IRF2: variants seen among roughly 807,000 people sequenced by gnomAD.
IRF2 encodes interferon regulatory factor 2.
IRF2 carries 15 observed loss-of-function variants against 40.6 expected under a neutral mutation model. The ratio of observed to expected loss-of-function variants is 0.37; its 90% CI spans 0.25 to 0.57. The LOEUF (loss-of-function observed/expected upper bound fraction) is 0.57, where lower values mean the gene tolerates loss of function less well. Among genes scored for constraint, IRF2 ranks in the 20% least tolerant of loss-of-function variants. The pLI is 0.77. For synonymous variants in IRF2, 151 were observed against 165.5 expected, an observed-to-expected ratio of 0.91 and a Z score of 0.67; for missense variants, 317 against 455.7, an observed-to-expected ratio of 0.70 and a Z score of 2.77.
intron 5 of IRF2, among the ~76,000 whole-genome samples, chr4:184,410,651 C>A (rs1440235471): frequency 4.0e-5 from 6 of 151,806 alleles, no homozygotes; most frequent in Non-Finnish European, 7.4e-5. Flanking sequence ...TACAAGAGAA[C>A]TGCTCATTTG....
intron 1 of IRF2, among the ~76,000 whole-genome samples, chr4:184,451,023 C>A (rs1579102513): frequency 6.6e-6 from 1 of 152,332 alleles, no homozygotes; most frequent in South Asian, 2.1e-4. Context: ...AATTGTCTGG[C>A]AAGTTTACCT....
chr4:184,459,138 C>CACTACCAT (rs1739044121), intron 1 of IRF2, among the ~76,000 whole-genome samples: 1 of 151,990 alleles, frequency 6.6e-6, no homozygotes, highest in African/African-American at 2.4e-5. Flanking sequence ...GCAGACAGAG[C>CACTACCAT]AGCCGCAATG....
At chr4:184,404,271 G>T (rs1736771784) in intron 6 of IRF2, among the ~76,000 whole-genome samples, 1 of 152,188 alleles carries the variant, frequency 6.6e-6, no homozygotes, top group Non-Finnish European at 1.5e-5. Flanking sequence ...AGAGCATCAT[G>T]CAGGGAAATT....
chr4:184,408,150 C>CATCAAA lies in IRF2; in HGVS notation c.529+7_529+8insTTTGAT, dbSNP rs745897849. 3 of 1,540,072 alleles carry CATCAAA rather than the reference C, an allele frequency of 1.9e-6. No individual in the cohort carries two copies. In the East Asian group the frequency reaches 6.7e-5, roughly 35 times the overall value. The stretch of plus-strand genomic sequence containing the variant: ...ATGTATAAAAAATGAGACGTCAAAA[C>CATCAAA]AGTTTACCTATGATGTTCACCGTAC... On this transcript the variant is annotated splice_region_variant and intron_variant, in intron 6 of 8. Coordinates refer to ENST00000393593, the MANE Select transcript of IRF2 (RefSeq NM_002199.4). The surrounding 1 kb of genome is among the most constrained non-coding windows in gnomAD (Gnocchi z 4.9).
chr4:184,456,421 C>A (rs1219970490), intron 1 of IRF2, among the ~76,000 whole-genome samples: 3 of 152,180 alleles, frequency 2.0e-5, no homozygotes, highest in African/African-American at 7.2e-5. Flanking sequence ...GTGGCGCCCG[C>A]GTGTCCGAGC....
At position 184,438,282 on chromosome 4, in the gene IRF2, C is replaced by G. The variant is rs141778223; in HGVS notation, c.-6-9212G>C. Among the ~76,000 whole-genome samples the G allele has an allele frequency of 6.6e-5, 10 of 152,308 alleles. 1 individual carries two copies. In the East Asian group the frequency reaches 1.5e-3, roughly 23 times the overall value. The stretch of plus-strand genomic sequence containing the variant: ...CATCCGTCTGACTCCAAAGAATATG[C>G]CAGAAACCTCTAGACCTGTGTTTTG... On this transcript the variant is annotated intron_variant, in intron 1 of 8. Coordinates refer to ENST00000393593, the MANE Select transcript of IRF2 (RefSeq NM_002199.4).
At chr4:184,410,025 G>T (rs980850407) in intron 5 of IRF2, among the ~76,000 whole-genome samples, 1 of 151,994 alleles carries the variant, frequency 6.6e-6, no homozygotes, top group Non-Finnish European at 1.5e-5. Flanking sequence ...CTTCCGACCC[G>T]CTGTCTGCCT....
At chr4:184,411,059 CTTT>C (rs34897483) in intron 5 of IRF2, among the ~76,000 whole-genome samples, 52 of 141,406 alleles carry the variant, frequency 3.7e-4, no homozygotes, top group African/African-American at 1.2e-3. Context: ...TCTCTCCACA[CTTT>C]TTTTTTTTTT....
chr4:184,428,899 G>T, intron 2 of IRF2, 79 bp downstream of exon 2: 1 of 1,116,458 alleles, frequency 9.0e-7, no homozygotes, highest in Non-Finnish European at 1.4e-6. Flanking sequence ...GAATACACAC[G>T]ATTTTACTTT....
chr4:184,433,911 A>T (rs1458917831), intron 1 of IRF2, among the ~76,000 whole-genome samples: 1 of 152,250 alleles, frequency 6.6e-6, no homozygotes. Flanking sequence ...AAAAACAGCA[A>T]AGGCAGAATC....
chr4:184,414,884 A>G (rs1463831932), intron 5 of IRF2, among the ~76,000 whole-genome samples: 1 of 152,242 alleles, frequency 6.6e-6, no homozygotes, highest in African/African-American at 2.4e-5. Flanking sequence ...AGTAGAAGAA[A>G]CCTACGTAGT....
chr4:184,453,418 T>C lies in IRF2; in HGVS notation c.-7+20961A>G, dbSNP rs555356087. On this transcript the variant is annotated intron_variant, in intron 1 of 8. Coordinates refer to ENST00000393593, the MANE Select transcript of IRF2 (RefSeq NM_002199.4). ...AAAGCATATGGACTCGAGCACATAC[T>C]GCATTTTCAAAGCTTCTTTCCATAT... 5.3e-5 allele frequency among the ~76,000 whole-genome samples: 8 copies of C among 152,372 alleles called. No individual in the cohort carries two copies. The South Asian group carries it at 6.2e-4, about 12-fold the overall frequency.
At chr4:184,460,429 C>T (rs793801) in intron 1 of IRF2, among the ~76,000 whole-genome samples, 65,981 of 152,010 alleles carry the variant, frequency 0.43, 14,644 homozygotes, top group African/African-American at 0.52. Flanking sequence ...ATGTAATTAA[C>T]GTCACCAAAT....
chr4:184,417,364 C>G (rs11728827), intron 5 of IRF2, among the ~76,000 whole-genome samples: 28,726 of 152,136 alleles, frequency 0.19, 3,183 homozygotes, highest in Non-Finnish European at 0.25. Context: ...TGCAAAAACA[C>G]CCTCCGCCTA....
rs1863315 is a variant in IRF2, at chr4:184,474,231, T to C, written c.-7+148A>G. ...CGACTGTTCCTCCAAAAATCAGTAT[T>C]AATATTTATGAACCCCGGCATTTTC... is the stretch of plus-strand genomic sequence containing the variant. On this transcript the variant is annotated intron_variant, in intron 1 of 8. Coordinates refer to ENST00000393593, the MANE Select transcript of IRF2 (RefSeq NM_002199.4). The surrounding 1 kb of genome is among the most constrained non-coding windows in gnomAD (Gnocchi z 5.6). 0.13 allele frequency: 19,887 copies of C among 152,204 alleles called. 1,428 individuals carry two copies. Among genetic ancestry groups the C allele is most frequent in the East Asian group, 0.21 (1,067 of 5,142 alleles). The allele number at this position is 152,204 out of a possible 1,614,324, so 9.4% of individuals were successfully genotyped here. A position where few individuals can be genotyped will look rare whatever the true frequency, so the allele number is the denominator to read the frequency against.
chr4:184,407,481 G>A (rs1032076068), intron 6 of IRF2, among the ~76,000 whole-genome samples: 2 of 152,190 alleles, frequency 1.3e-5, no homozygotes, highest in African/African-American at 4.8e-5. Context: ...TTGTTCAACT[G>A]TTACGAAGGA....
chr4:184,398,789 A>T (rs1736562295), intron 7 of IRF2, 126 bp downstream of exon 7: 2 of 744,028 alleles, frequency 2.7e-6, no homozygotes, highest in South Asian at 3.1e-5. Flanking sequence ...AGTATGAAAA[A>T]CTCCAGGGAG....
Position 184,474,442 on chromosome 4 carries a change from T to C in IRF2, c.-70A>G, listed in dbSNP as rs1403224685. ...GCAAGGTATAAGTGTTGCTAGGGTA[T>C]GTGAAATGGAAATGAAAGCCCGTCA... On this transcript the variant is annotated 5_prime_UTR_variant, in exon 1 of 9. Coordinates refer to ENST00000393593, the MANE Select transcript of IRF2 (RefSeq NM_002199.4). This position sits in a 1 kb window ranked among gnomAD's most constrained non-coding sequence, Gnocchi z 5.6. 1 of 152,172 alleles carries C rather than the reference T, an allele frequency of 6.6e-6. No individual in the cohort carries two copies. The highest frequency in any genetic ancestry group is 1.5e-5 in the Non-Finnish European group (1 of 68,062). The allele number at this position is 152,172 out of a possible 1,614,324, so 9.4% of individuals were successfully genotyped here.
intron 5 of IRF2, among the ~76,000 whole-genome samples, chr4:184,411,289 C>A (rs1266440979): frequency 6.6e-6 from 1 of 152,076 alleles, no homozygotes; most frequent in Non-Finnish European, 1.5e-5. Context: ...GAACCCCTGA[C>A]CTCAGGTGAT....
Sources: allele counts gnomAD v4.1 joint callset (sites outside exome capture counted in the v4.1 genomes callset), GRCh38; gene constraint gnomAD v4.1.1; non-coding constraint Gnocchi (gnomAD v3.1); transcripts MANE v1.5; gene names NCBI Gene and HGNC (gene_info 2026-07-23, HGNC 2026-07-21).